The following SETBP1 variants were observed in gnomAD, a reference collection of about 807,000 sequenced individuals.
The protein encoded by SETBP1 is SET binding protein 1.
SETBP1 carries 9 observed loss-of-function variants against 101.0 expected under a neutral mutation model. That is an observed-to-expected ratio of 0.09 (90% CI 0.05 to 0.16). The LOEUF is 0.16. Among genes scored for constraint, SETBP1 ranks in the 10% least tolerant of loss-of-function variants. The pLI is 1.00. For missense variants in SETBP1, 1,858 were observed against 2,033.8 expected (o/e 0.91, Z 1.66); for synonymous variants, 818 against 788.5 (o/e 1.04, Z -0.63).
At chr18:45,006,245 C>T (rs1176607161) in intron 4 of SETBP1, among the ~76,000 whole-genome samples, 1 of 152,130 alleles carries the variant, frequency 6.6e-6, no homozygotes, top group African/African-American at 2.4e-5. Context: ...AGCCACCATG[C>T]CCAGCCAAAA....
chr18:44,936,911 A>ACAG (rs762747810), intron 3 of SETBP1, among the ~76,000 whole-genome samples: 1 of 152,180 alleles, frequency 6.6e-6, no homozygotes, highest in Non-Finnish European at 1.5e-5. Context: ...GTGGTGAGAG[A>ACAG]CAGCAGCCAA....
intron 3 of SETBP1, among the ~76,000 whole-genome samples, chr18:44,947,939 AAC>A (rs2071247393): frequency 6.6e-6 from 1 of 152,214 alleles, no homozygotes; most frequent in South Asian, 2.1e-4. Context: ...CCTGTTAGTA[AAC>A]ACAGAGTGCC....
intron 4 of SETBP1, among the ~76,000 whole-genome samples, chr18:45,017,667 A>C (rs773553715): frequency 2.6e-5 from 4 of 152,194 alleles, no homozygotes; most frequent in Non-Finnish European, 5.9e-5. Flanking sequence ...GTTTCTTTTA[A>C]AGTGCAAACC....
chr18:45,015,173 G>A (rs932833272), intron 4 of SETBP1, among the ~76,000 whole-genome samples: 5 of 152,212 alleles, frequency 3.3e-5, no homozygotes, highest in African/African-American at 4.8e-5. Flanking sequence ...AGAAGAGGGG[G>A]AGCCTCAACA....
chr18:44,765,132 C>T (rs960753582), intron 2 of SETBP1, among the ~76,000 whole-genome samples: 4 of 152,234 alleles, frequency 2.6e-5, no homozygotes, highest in South Asian at 2.1e-4. Context: ...AAACAAGCTC[C>T]GTGTTACGAA....
intron 2 of SETBP1, among the ~76,000 whole-genome samples, chr18:44,863,233 A>G (rs1054706773): frequency 2.6e-5 from 4 of 152,078 alleles, no homozygotes; most frequent in Non-Finnish European, 5.9e-5. Context: ...CCCCTGACAT[A>G]TCTTACAATT....
At chr18:44,762,263 C>T (rs1471911281) in intron 2 of SETBP1, among the ~76,000 whole-genome samples, 2 of 152,178 alleles carry the variant, frequency 1.3e-5, no homozygotes, top group Non-Finnish European at 1.5e-5. Context: ...CAGAACACAC[C>T]TCTTCAGGAG....
chr18:44,706,591 CAAAAAAA>C (rs1018470585), intron 2 of SETBP1, among the ~76,000 whole-genome samples: 412 of 16,904 alleles, frequency 0.024, no homozygotes, highest in African/African-American at 0.095. Flanking sequence ...GACTCAATCT[CAAAAAAA>C]AAAAAAAAAA....
At chr18:44,931,272 G>T (rs1443160008) in intron 3 of SETBP1, among the ~76,000 whole-genome samples, 4 of 152,168 alleles carry the variant, frequency 2.6e-5, no homozygotes, top group African/African-American at 9.7e-5. Flanking sequence ...TTAATCCTGA[G>T]TTCTAGTTTG....
At chr18:44,718,839 A>G (rs1404416781) in intron 2 of SETBP1, among the ~76,000 whole-genome samples, 1 of 152,210 alleles carries the variant, frequency 6.6e-6, no homozygotes, top group Admixed American at 6.5e-5. Context: ...CTCTATAAGC[A>G]GAAAGCACCT....
intron 4 of SETBP1, among the ~76,000 whole-genome samples, chr18:45,030,762 T>G (rs189563786): frequency 0.033 from 4,543 of 136,266 alleles, 129 homozygotes; most frequent in African/African-American, 0.072. Flanking sequence ...GTCGAGGAAT[T>G]TATCCATTTC....
At chr18:44,699,779 T>C (rs965666399) in intron 1 of SETBP1, among the ~76,000 whole-genome samples, 1 of 152,268 alleles carries the variant, frequency 6.6e-6, no homozygotes, top group African/African-American at 2.4e-5. Flanking sequence ...AGGGTCCGTG[T>C]TGGAGCCGGG....
chr18:44,806,059 A>G (rs2071726106), intron 2 of SETBP1, among the ~76,000 whole-genome samples: 1 of 152,102 alleles, frequency 6.6e-6, no homozygotes, highest in Non-Finnish European at 1.5e-5. Flanking sequence ...TCTGTCACAC[A>G]CTTCTTGATA....
chr18:44,929,037 T>C (rs551101304), intron 3 of SETBP1, among the ~76,000 whole-genome samples: 1 of 152,338 alleles, frequency 6.6e-6, no homozygotes, highest in African/African-American at 2.4e-5. Flanking sequence ...TTGCCTAGGT[T>C]TTCTTCTAGG....
intron 4 of SETBP1, among the ~76,000 whole-genome samples, chr18:45,016,347 G>T (rs1019949418): frequency 1.6e-4 from 24 of 152,230 alleles, no homozygotes; most frequent in Admixed American, 7.2e-4. Context: ...AGAGAGCAGA[G>T]CCCATGCCCT....
intron 3 of SETBP1, among the ~76,000 whole-genome samples, chr18:44,877,632 A>G (rs1213622240): frequency 6.6e-6 from 1 of 152,230 alleles, no homozygotes; most frequent in Non-Finnish European, 1.5e-5. Flanking sequence ...TAACAAAAAT[A>G]TTTGCCCACG....
At chr18:44,861,228 T>C (rs538555733) in intron 2 of SETBP1, among the ~76,000 whole-genome samples, 1 of 131,418 alleles carries the variant, frequency 7.6e-6, no homozygotes, top group Admixed American at 7.9e-5. Flanking sequence ...CTTTTTCTTT[T>C]CTTTTTTTTT....
chr18:44,687,378 A>T (rs977501348), intron 1 of SETBP1, among the ~76,000 whole-genome samples: 3 of 152,162 alleles, frequency 2.0e-5, no homozygotes, highest in Admixed American at 2.0e-4. Context: ...AACTGTCCAA[A>T]CCAATCCCAC....
intron 2 of SETBP1, among the ~76,000 whole-genome samples, chr18:44,739,433 T>C (rs1230491894): frequency 6.6e-6 from 1 of 152,220 alleles, no homozygotes; most frequent in Non-Finnish European, 1.5e-5. Flanking sequence ...CACAATTCTT[T>C]ATACTGGGGA....
Sources: gnomAD v4.1 joint callset for allele counts (sites outside exome capture counted in the v4.1 genomes callset) on GRCh38, gnomAD v4.1.1 for gene constraint, MANE v1.5 for transcripts, NCBI Gene and HGNC (gene_info 2026-07-23, HGNC 2026-07-21) for gene names.